The following ZNF804A variants were observed in gnomAD, a reference collection of about 807,000 sequenced individuals.
ZNF804A encodes zinc finger protein 804A.
ZNF804A carries 2 observed loss-of-function variants against 16.5 expected under a neutral mutation model. The ratio of observed to expected loss-of-function variants is 0.12; its 90% CI spans 0.05 to 0.38. ZNF804A has a LOEUF of 0.38. Among genes scored for constraint, ZNF804A ranks in the 10% least tolerant of loss-of-function variants. ZNF804A has a pLI of 0.99. For synonymous variants in ZNF804A, 534 were observed against 489.6 expected (o/e 1.09, Z -1.20); for missense variants, 1,473 against 1,390.7 (o/e 1.06, Z -0.94).
intron 1 of ZNF804A, among the ~76,000 whole-genome samples, chr2:184,752,497 G>A (rs1341461187): frequency 2.0e-5 from 3 of 151,474 alleles, no homozygotes; most frequent in African/African-American, 7.2e-5. Flanking sequence ...ATAGGAGGAG[G>A]GTGAGGGTTG....
intron 1 of ZNF804A, among the ~76,000 whole-genome samples, chr2:184,620,330 T>TA (rs1164565281): frequency 1.3e-5 from 2 of 151,752 alleles, no homozygotes; most frequent in Admixed American, 1.3e-4. Flanking sequence ...AATTTTCTGC[T>TA]AAAAAAATTG....
intron 1 of ZNF804A, among the ~76,000 whole-genome samples, chr2:184,798,004 A>ATGTGTG (rs1443753151): frequency 1.8e-4 from 22 of 123,342 alleles, no homozygotes; most frequent in African/African-American, 6.8e-4. Context: ...CATGGCTGAT[A>ATGTGTG]TATGTGTGTG....
chr2:184,636,992 T>C (rs1691710250), intron 1 of ZNF804A, among the ~76,000 whole-genome samples: 1 of 152,204 alleles, frequency 6.6e-6, no homozygotes, highest in Non-Finnish European at 1.5e-5. Flanking sequence ...TTGAAATCAA[T>C]GCAATTTAAA....
chr2:184,673,735 C>G (rs1245703844), intron 1 of ZNF804A, among the ~76,000 whole-genome samples: 1 of 152,004 alleles, frequency 6.6e-6, no homozygotes, highest in African/African-American at 2.4e-5. Context: ...AATAGACTAC[C>G]AAAGAAAAAC....
chr2:184,824,310 C>T (rs1695128056), intron 1 of ZNF804A, among the ~76,000 whole-genome samples: 1 of 152,068 alleles, frequency 6.6e-6, no homozygotes, highest in African/African-American at 2.4e-5. Flanking sequence ...ATTCACATCT[C>T]GTGTATGTCA....
At chr2:184,731,808 C>T (rs938081695) in intron 1 of ZNF804A, among the ~76,000 whole-genome samples, 3 of 152,004 alleles carry the variant, frequency 2.0e-5, no homozygotes, top group Non-Finnish European at 4.4e-5. Flanking sequence ...CTTTTGGTCC[C>T]AAATGATTCT....
intron 1 of ZNF804A, among the ~76,000 whole-genome samples, chr2:184,832,041 G>T (rs1695268620): frequency 6.6e-6 from 1 of 152,060 alleles, no homozygotes; most frequent in East Asian, 1.9e-4. Context: ...TCTCTGTAGG[G>T]CTTTTATTCA....
At chr2:184,834,994 A>G (rs555513863) in intron 1 of ZNF804A, among the ~76,000 whole-genome samples, 3 of 152,168 alleles carry the variant, frequency 2.0e-5, no homozygotes, top group Non-Finnish European at 4.4e-5. Context: ...ACTTACATGA[A>G]AGATCAACTG....
chr2:184,901,624 A>G (rs1685183389), intron 2 of ZNF804A, among the ~76,000 whole-genome samples: 1 of 152,140 alleles, frequency 6.6e-6, no homozygotes, highest in Non-Finnish European at 1.5e-5. Context: ...CCCTAAGTGC[A>G]TCAATAGTTT....
Position 184,845,704 on chromosome 2 carries a change from G to T in ZNF804A, c.112-20665G>T, listed in dbSNP as rs542150814. 2.1e-3 allele frequency among the ~76,000 whole-genome samples: 318 copies of T among 152,238 alleles called. 2 individuals are homozygous for T. The highest frequency in any genetic ancestry group is 3.9e-3 in the Admixed American group (60 of 15,266). On this transcript the variant is annotated intron_variant, in intron 1 of 3. Transcript: ENST00000302277. ...ACTCCCATTCACATGCCAAGGACAT[G>T]AGAGACTCTTTCTCAGATCATCATC...
chr2:184,732,517 T>C (rs2105748298), intron 1 of ZNF804A, among the ~76,000 whole-genome samples: 1 of 152,260 alleles, frequency 6.6e-6, no homozygotes, highest in South Asian at 2.1e-4. Context: ...GGCTATTCTG[T>C]GTCTTTTCCC....
At chr2:184,697,427 A>G (rs1164720251) in intron 1 of ZNF804A, among the ~76,000 whole-genome samples, 1 of 152,106 alleles carries the variant, frequency 6.6e-6, no homozygotes, top group Non-Finnish European at 1.5e-5. Flanking sequence ...TTGATTAAGG[A>G]ACAACTACTA....
At chr2:184,836,277 G>A (rs1695344360) in intron 1 of ZNF804A, among the ~76,000 whole-genome samples, 1 of 152,082 alleles carries the variant, frequency 6.6e-6, no homozygotes, top group Non-Finnish European at 1.5e-5. Context: ...TTTGCTGCCT[G>A]TTACTAAAAG....
At chr2:184,814,915 T>A (rs1186893203) in intron 1 of ZNF804A, among the ~76,000 whole-genome samples, 1 of 152,046 alleles carries the variant, frequency 6.6e-6, no homozygotes, top group Non-Finnish European at 1.5e-5. Context: ...CATTTTTAAA[T>A]ACCTGTAGCC....
intron 2 of ZNF804A, among the ~76,000 whole-genome samples, chr2:184,932,517 C>T (rs376347852): frequency 6.6e-6 from 1 of 151,996 alleles, no homozygotes. Flanking sequence ...GGGAAAGACC[C>T]GCCCCCATGA....
intron 1 of ZNF804A, among the ~76,000 whole-genome samples, chr2:184,672,704 G>A (rs138396863): frequency 5.3e-5 from 8 of 152,070 alleles, no homozygotes; most frequent in African/African-American, 1.9e-4. Context: ...GGTAGTGATG[G>A]CATCTTGCCA....
intron 2 of ZNF804A, among the ~76,000 whole-genome samples, chr2:184,878,443 G>T (rs1251855352): frequency 6.6e-6 from 1 of 152,080 alleles, no homozygotes; most frequent in African/African-American, 2.4e-5. Flanking sequence ...AATATGATAT[G>T]TGATTAGAGG....
At chr2:184,911,407 A>G (rs747777267) in intron 2 of ZNF804A, among the ~76,000 whole-genome samples, 1 of 151,828 alleles carries the variant, frequency 6.6e-6, no homozygotes, top group Non-Finnish European at 1.5e-5. Flanking sequence ...GTAACATGAT[A>G]CTTCTGGCTT....
intron 1 of ZNF804A, among the ~76,000 whole-genome samples, chr2:184,745,631 T>A (rs1380266635): frequency 6.6e-6 from 1 of 151,592 alleles, no homozygotes; most frequent in Non-Finnish European, 1.5e-5. Context: ...CATAAACTCA[T>A]GCATATTTAA....
Sources: allele counts gnomAD v4.1 joint callset (sites outside exome capture counted in the v4.1 genomes callset), GRCh38; gene constraint gnomAD v4.1.1; transcripts MANE v1.5; gene names NCBI Gene and HGNC (gene_info 2026-07-23, HGNC 2026-07-21).